CYTH4: variants seen among roughly 807,000 people sequenced by gnomAD.
CYTH4 encodes the protein cytohesin-4.
A neutral mutation model predicts 57.5 loss-of-function variants in CYTH4; 22 were observed. The observed-to-expected ratio is 0.38, with a 90% confidence interval of 0.27 to 0.55. The LOEUF (loss-of-function observed/expected upper bound fraction) is 0.55. Among genes scored for constraint, CYTH4 ranks in the 20% least tolerant of loss-of-function variants. The pLI is 0.74. For missense variants in CYTH4, 420 were observed against 535.6 expected, an observed-to-expected ratio of 0.78 and a Z score of 2.13; for synonymous variants, 186 against 206.5, an observed-to-expected ratio of 0.90 and a Z score of 0.85.
intron 1 of CYTH4, among the ~76,000 whole-genome samples, chr22:37,291,353 C>G (rs1357417381): frequency 2.0e-5 from 3 of 152,202 alleles, no homozygotes; most frequent in African/African-American, 7.2e-5. Context: ...CCTGCTTAAT[C>G]ATGAGAAGGA....
intron 8 of CYTH4, among the ~76,000 whole-genome samples, chr22:37,308,620 G>A (rs894387882): frequency 6.6e-6 from 1 of 151,868 alleles, no homozygotes; most frequent in African/African-American, 2.4e-5. Flanking sequence ...GTGTGCATAA[G>A]CATGCATGTC....
chr22:37,296,271 G>A, intron 4 of CYTH4: 1 of 596,470 alleles, frequency 1.7e-6, no homozygotes. Context: ...CCTTGGGGCA[G>A]GAGGAGCCAG....
chr22:37,295,693 C>G lies in CYTH4; in HGVS notation c.168-306C>G, dbSNP rs1353471204. ...CTGGCTCCAGCACCTGCGTGCTCAG[C>G]CCTCGCCCCCTCCCCCGGTTTCTTG... On this transcript the variant is annotated intron_variant, in intron 3 of 12. Coordinates refer to ENST00000248901, the MANE Select transcript of CYTH4 (RefSeq NM_013385.5). This position sits in a 1 kb window ranked among gnomAD's most constrained non-coding sequence, Gnocchi z 4.1. Among the ~76,000 whole-genome samples the G allele has an allele frequency of 2.0e-5, 3 of 152,206 alleles. No individual in the cohort carries two copies. The highest frequency in any genetic ancestry group is 2.0e-4 in the Admixed American group (3 of 15,294).
chr22:37,302,974 C>T (rs1929237283), intron 7 of CYTH4, among the ~76,000 whole-genome samples: 2 of 151,658 alleles, frequency 1.3e-5, no homozygotes, highest in African/African-American at 4.8e-5. Flanking sequence ...AGGATTGAAG[C>T]GGAGAGGAGG....
rs1929626734 is a variant in CYTH4, at chr22:37,311,152, C to T, written c.885+88C>T. The T allele has an allele frequency of 7.1e-7, 1 of 1,414,270 alleles. No individual in the cohort carries two copies. Among genetic ancestry groups the T allele is most frequent in the Admixed American group, 1.7e-5 (1 of 58,880 alleles). The allele number at this position is 1,414,270 out of a possible 1,614,324, so 87.6% of individuals were successfully genotyped here. ...ACTCCCACTGAGCAGTCGACTCACACAGCTTTGGATCCTTTGAGATCATTC... is the reference window on the plus strand; with the variant it reads ...ACTCCCACTGAGCAGTCGACTCACATAGCTTTGGATCCTTTGAGATCATTC... On this transcript the variant is annotated intron_variant, in intron 10 of 12. Transcript: ENST00000248901. The surrounding 1 kb of genome is among the most constrained non-coding windows in gnomAD (Gnocchi z 4.4).
In CYTH4 at chr22:37,311,109, C is replaced by T. The variant is rs1251682326; in HGVS notation, c.885+45C>T. Reference sequence around the variant, plus strand: ...GCCTTCCCCTGCCCCCGCCTCTCCCCGCACAACCCACTTCCCAACTCCCAC... The same window carrying T: ...GCCTTCCCCTGCCCCCGCCTCTCCCTGCACAACCCACTTCCCAACTCCCAC... On this transcript the variant is annotated intron_variant, in intron 10 of 12. Transcript: ENST00000248901. This position sits in a 1 kb window ranked among gnomAD's most constrained non-coding sequence, Gnocchi z 4.4. 8 of 1,601,626 alleles carry T rather than the reference C, an allele frequency of 5.0e-6. No individual in the cohort carries two copies. The highest frequency in any genetic ancestry group is 2.2e-5 in the South Asian group (2 of 90,694).
intron 1 of CYTH4, among the ~76,000 whole-genome samples, chr22:37,284,574 AT>A (rs1928480578): frequency 6.6e-6 from 1 of 151,984 alleles, no homozygotes; most frequent in Non-Finnish European, 1.5e-5. Context: ...CTGAGTTCTG[AT>A]TTGTCATCTC....
chr22:37,291,197 T>A (rs1007679439), intron 1 of CYTH4, among the ~76,000 whole-genome samples: 1 of 151,964 alleles, frequency 6.6e-6, no homozygotes, highest in African/African-American at 2.4e-5. Context: ...TCAAAACTGA[T>A]TTATTTCTTA....
chr22:37,308,990 C>T (rs1001612613), intron 8 of CYTH4, among the ~76,000 whole-genome samples: 5 of 144,164 alleles, frequency 3.5e-5, no homozygotes, highest in African/African-American at 7.5e-5. Context: ...ACCGGGGTGG[C>T]GGGGTGGCGG....
chr22:37,311,649 C>T lies in CYTH4; in HGVS notation c.957+122C>T. ...GCCAGGCTGTGCCCCTTACACCTTC[C>T]CTGTGGCTCAGGGCTGCCTTCTCTC... On this transcript the variant is annotated intron_variant, in intron 11 of 12. Coordinates refer to ENST00000248901, the MANE Select transcript of CYTH4 (RefSeq NM_013385.5). The surrounding 1 kb of genome is among the most constrained non-coding windows in gnomAD (Gnocchi z 4.4). 3.0e-6 allele frequency: 3 copies of T among 1,007,666 alleles called. No homozygotes were observed. Among genetic ancestry groups the T allele is most frequent in the African/African-American group, 1.6e-5 (1 of 62,752 alleles). The allele number at this position is 1,007,666 out of a possible 1,614,324, so 62.4% of individuals were successfully genotyped here. A position where few individuals can be genotyped will look rare whatever the true frequency, so the allele number is the denominator to read the frequency against.
chr22:37,289,758 G>A (rs748371292), intron 1 of CYTH4, among the ~76,000 whole-genome samples: 2 of 152,190 alleles, frequency 1.3e-5, no homozygotes, highest in African/African-American at 4.8e-5. Context: ...ATGATGTTCC[G>A]TGGGCTGGCA....
chr22:37,283,740 C>T (rs572311804), intron 1 of CYTH4, among the ~76,000 whole-genome samples: 2 of 152,312 alleles, frequency 1.3e-5, no homozygotes, highest in South Asian at 4.1e-4. Flanking sequence ...CTCACTCTGA[C>T]CCCTGCCTCT....
chr22:37,301,268 C>T (rs112611554), intron 7 of CYTH4, among the ~76,000 whole-genome samples: 2 of 152,140 alleles, frequency 1.3e-5, no homozygotes, highest in Non-Finnish European at 2.9e-5. Flanking sequence ...GGCAGCAGCA[C>T]CCCTTTCTGA....
At chr22:37,301,117 A>G in intron 7 of CYTH4, 98 bp downstream of exon 7, 1 of 1,024,784 alleles carries the variant, frequency 9.8e-7, no homozygotes, top group South Asian at 1.5e-5. Flanking sequence ...AGGTACCCAG[A>G]CCCTGGCAGC....
intron 1 of CYTH4, among the ~76,000 whole-genome samples, chr22:37,285,922 A>G (rs1928540789): frequency 6.6e-6 from 1 of 152,008 alleles, no homozygotes; most frequent in Non-Finnish European, 1.5e-5. Flanking sequence ...TCGGGACAGG[A>G]CCCCCGTCAG....
chr22:37,300,630 C>A (rs925206767), intron 6 of CYTH4, among the ~76,000 whole-genome samples: 1 of 152,246 alleles, frequency 6.6e-6, no homozygotes, highest in African/African-American at 2.4e-5. Flanking sequence ...CCCTTCCCAG[C>A]TGAGGCAGAC....
intron 1 of CYTH4, among the ~76,000 whole-genome samples, chr22:37,283,149 G>A (rs1371916602): frequency 6.6e-6 from 1 of 151,518 alleles, no homozygotes; most frequent in Non-Finnish European, 1.5e-5. Flanking sequence ...GGCCCCCGGG[G>A]GTTGGGGTGG....
At chr22:37,284,465 C>T (rs1022415258) in intron 1 of CYTH4, among the ~76,000 whole-genome samples, 1 of 152,114 alleles carries the variant, frequency 6.6e-6, no homozygotes, top group Admixed American at 6.5e-5. Context: ...GGAAGACCTC[C>T]TTGAGGAGGA....
rs997565476 is a variant in CYTH4 at position 37,298,688 on chromosome 22, G to C, written c.354-538G>C. Among the ~76,000 whole-genome samples, 5 of 152,160 alleles carry C rather than the reference G, an allele frequency of 3.3e-5. No individual in the cohort carries two copies. Among genetic ancestry groups the C allele is most frequent in the Non-Finnish European group, 7.3e-5 (5 of 68,034 alleles). On this transcript the variant is annotated intron_variant, in intron 5 of 12. Coordinates refer to ENST00000248901, the MANE Select transcript of CYTH4 (RefSeq NM_013385.5). The surrounding 1 kb of genome is among the most constrained non-coding windows in gnomAD (Gnocchi z 4.1). ...GCTCTGGGCAAAGGACTGGTCTGAG[G>C]GGTGGGCGAGTGGATAGGGGTGAAG...
Sources: allele counts gnomAD v4.1 joint callset (sites outside exome capture counted in the v4.1 genomes callset), GRCh38; gene constraint gnomAD v4.1.1; non-coding constraint Gnocchi (gnomAD v3.1); transcripts MANE v1.5; gene names NCBI Gene and HGNC (gene_info 2026-07-23, HGNC 2026-07-21).